GALNT10: variants seen among roughly 807,000 people sequenced by gnomAD.
GALNT10 encodes GalNAc transferase 10.
A neutral mutation model predicts 75.0 loss-of-function variants in GALNT10; 41 were observed. The observed-to-expected ratio is 0.55, with a 90% CI of 0.43 to 0.71. The LOEUF is 0.71. Among genes scored for constraint, GALNT10 ranks in the 30% least tolerant of loss-of-function variants. GALNT10 has a pLI of 0.00. For missense variants in GALNT10, 727 were observed against 818.5 expected, an observed-to-expected ratio of 0.89 and a Z score of 1.36; for synonymous variants, 302 against 313.0, an observed-to-expected ratio of 0.96 and a Z score of 0.37.
At chr5:154,404,984 AAAAT>A (rs1756243580) in intron 8 of GALNT10, among the ~76,000 whole-genome samples, 2 of 152,218 alleles carry the variant, frequency 1.3e-5, no homozygotes. Context: ...TATTCGGAAA[AAAAT>A]AAATAAATCC....
intron 7 of GALNT10, among the ~76,000 whole-genome samples, chr5:154,390,173 T>C (rs980142428): frequency 6.6e-6 from 1 of 152,208 alleles, no homozygotes; most frequent in African/African-American, 2.4e-5. Flanking sequence ...CATTTCCCTT[T>C]GCTGGGAGAA....
chr5:154,333,065 G>T (rs1399054345), intron 4 of GALNT10, among the ~76,000 whole-genome samples: 1 of 152,232 alleles, frequency 6.6e-6, no homozygotes, highest in East Asian at 1.9e-4. Context: ...AGGAAACGCT[G>T]TGAGAAGTAT....
At chr5:154,309,264 T>G (rs1262669691) in intron 3 of GALNT10, among the ~76,000 whole-genome samples, 1 of 151,930 alleles carries the variant, frequency 6.6e-6, no homozygotes, top group Admixed American at 6.6e-5. Flanking sequence ...TGGAGGCCAG[T>G]GTGGCTGGAG....
intron 2 of GALNT10, 64 bp downstream of exon 2, chr5:154,294,982 GT>G: frequency 2.4e-6 from 1 of 411,152 alleles, no homozygotes; most frequent in East Asian, 2.8e-5. Flanking sequence ...ATGCTTGTGT[GT>G]GTGTGTGTGT....
At chr5:154,242,523 G>A (rs1412206358) in intron 1 of GALNT10, among the ~76,000 whole-genome samples, 1 of 152,140 alleles carries the variant, frequency 6.6e-6, no homozygotes, top group Non-Finnish European at 1.5e-5. Context: ...CTTTTCCAGG[G>A]TTAATAATAA....
At chr5:154,404,552 C>T (rs750434831) in intron 8 of GALNT10, among the ~76,000 whole-genome samples, 17 of 141,910 alleles carry the variant, frequency 1.2e-4, no homozygotes, top group Non-Finnish European at 1.8e-4. Context: ...AGGCAGCAAA[C>T]ACAGGAATGT....
intron 1 of GALNT10, among the ~76,000 whole-genome samples, chr5:154,207,176 A>T (rs1775123938): frequency 6.6e-6 from 1 of 152,272 alleles, no homozygotes. Context: ...AGGCAGAACC[A>T]GCCTGGGACA....
rs115918696 is a variant in GALNT10, at chr5:154,285,835, C to T, written c.160-8981C>T. Among the ~76,000 whole-genome samples, 1,470 of 152,248 alleles carry T rather than the reference C, an allele frequency of 9.7e-3. 20 individuals are homozygous for T. Among genetic ancestry groups the T allele is most frequent in the African/African-American group, 0.033 (1,388 of 41,520 alleles). ...TCCTGGAGGAAAGACAGAATCCTCA[C>T]CCCTGTCCACCTCTCATTCCTACCA... On this transcript the variant is annotated intron_variant, in intron 1 of 11. Transcript: ENST00000297107.
At chr5:154,275,657 G>C (rs1302413826) in intron 1 of GALNT10, among the ~76,000 whole-genome samples, 1 of 152,194 alleles carries the variant, frequency 6.6e-6, no homozygotes, top group East Asian at 1.9e-4. Flanking sequence ...CTTCCAAGAT[G>C]GCTCATTCGC....
intron 1 of GALNT10, among the ~76,000 whole-genome samples, chr5:154,224,849 C>T (rs1485282326): frequency 5.5e-5 from 8 of 145,566 alleles, no homozygotes; most frequent in African/African-American, 2.0e-4. Context: ...GGCAGGATCT[C>T]GGCTCGCTGC....
At chr5:154,299,618 C>T (rs1175781033) in intron 3 of GALNT10, among the ~76,000 whole-genome samples, 1 of 152,204 alleles carries the variant, frequency 6.6e-6, no homozygotes, top group Non-Finnish European at 1.5e-5. Context: ...AAAATGCCTT[C>T]ATTCCCATAA....
intron 7 of GALNT10, among the ~76,000 whole-genome samples, chr5:154,399,969 C>G (rs1756123760): frequency 6.6e-6 from 1 of 151,964 alleles, no homozygotes; most frequent in Non-Finnish European, 1.5e-5. Context: ...ACAGGGAGAC[C>G]CCCATGTCTA....
chr5:154,416,757 G>A lies in GALNT10; in HGVS notation c.1654-57G>A. 1 of 1,261,012 alleles carries A rather than the reference G, an allele frequency of 7.9e-7. No homozygotes were observed. Among genetic ancestry groups the A allele is most frequent in the Admixed American group, 1.7e-5 (1 of 58,752 alleles). The allele number at this position is 1,261,012 out of a possible 1,614,324, so 78.1% of individuals were successfully genotyped here. On this transcript the variant is annotated intron_variant, in intron 11 of 11. Transcript: ENST00000297107. This position sits in a 1 kb window ranked among gnomAD's most constrained non-coding sequence, Gnocchi z 4.5. ...TCTCATTGCTGGTATTGTTGCTGTG[G>A]TTTGACTGGCCACATGTCTCCAGTG...
rs1754309626 is a variant in GALNT10, at chr5:154,298,137, A to C, written c.401+58A>C. 6.6e-7 allele frequency: 1 copy of C among 1,512,764 alleles called. No homozygotes were observed. The highest frequency in any genetic ancestry group is 1.8e-5 in the Admixed American group (1 of 55,868). The allele number at this position is 1,512,764 out of a possible 1,614,324, so 93.7% of individuals were successfully genotyped here. On this transcript the variant is annotated intron_variant, in intron 3 of 11. Transcript: ENST00000297107. The surrounding 1 kb of genome is among the most constrained non-coding windows in gnomAD (Gnocchi z 4.1). ...AAGGATGTTTCCCTGGCTGTTGTTG[A>C]GAATTAATTAAGGAAGCAGGTACAT...
chr5:154,345,761 G>A (rs10039244), intron 4 of GALNT10, among the ~76,000 whole-genome samples: 1,981 of 148,682 alleles, frequency 0.013, 43 homozygotes, highest in African/African-American at 0.047. Context: ...TCAGCCTCCT[G>A]AGTAGCTGGG....
In GALNT10 at chr5:154,415,946, C is replaced by T. The variant is rs374602728; in HGVS notation, c.1653+14C>T. On this transcript the variant is annotated intron_variant, in intron 11 of 11. Transcript: ENST00000297107. ...AAATACCGCAAAGTAAGATGGGATG[C>T]GGGGGGAGCAGGGCACCTGCTTAAT... The T allele has an allele frequency of 1.7e-5, 28 of 1,611,698 alleles. No individual in the cohort carries two copies. The highest frequency in any genetic ancestry group is 2.0e-5 in the Non-Finnish European group (23 of 1,178,376).
chr5:154,277,549 T>C (rs890073876), intron 1 of GALNT10, among the ~76,000 whole-genome samples: 1 of 152,060 alleles, frequency 6.6e-6, no homozygotes, highest in African/African-American at 2.4e-5. Flanking sequence ...TCTACTATAG[T>C]AATCCTGAGA....
At chr5:154,257,111 A>G (rs1006843115) in intron 1 of GALNT10, among the ~76,000 whole-genome samples, 12 of 152,084 alleles carry the variant, frequency 7.9e-5, no homozygotes, top group African/African-American at 2.7e-4. Flanking sequence ...CCCGTCTCCA[A>G]AAAAATAAAA....
chr5:154,191,043 TACAGGCCGGGA>T lies in GALNT10; in HGVS notation c.159+22_159+32del. 1 of 1,400,674 alleles carries T rather than the reference TACAGGCCGGGA, an allele frequency of 7.1e-7. No homozygotes were observed. 86.8% of individuals were successfully genotyped at this position (1,400,674 alleles called of 1,614,324 possible). On this transcript the variant is annotated intron_variant, in intron 1 of 11. Transcript: ENST00000297107. ...CGGGACAGGTGAGTCCCCCCGTTGC[TACAGGCCGGGA>T]ACACCCCCTTCCCGAATTCACTTTT...
Sources: gnomAD v4.1 joint callset for allele counts (sites outside exome capture counted in the v4.1 genomes callset) on GRCh38, gnomAD v4.1.1 for gene constraint, Gnocchi (gnomAD v3.1) non-coding constraint, MANE v1.5 for transcripts, NCBI Gene and HGNC (gene_info 2026-07-23, HGNC 2026-07-21) for gene names.